MDGA2: variants seen among roughly 807,000 people sequenced by gnomAD.
MDGA2 encodes MAM domain-containing glycosylphosphatidylinositol anchor protein 2.
A neutral mutation model predicts 117.8 loss-of-function variants in MDGA2; 40 were observed. That is an observed-to-expected ratio of 0.34 (90% CI 0.26 to 0.44). MDGA2 has a LOEUF of 0.44. MDGA2 is among the 20% of genes least tolerant of loss of function. The pLI, the probability that MDGA2 is intolerant of heterozygous loss-of-function variation, is 1.00. For missense variants in MDGA2, 1,123 were observed against 1,250.6 expected (o/e 0.90, Z 1.54); for synonymous variants, 452 against 439.0 (o/e 1.03, Z -0.37).
At chr14:47,627,488 G>A (rs1455921415) in intron 1 of MDGA2, among the ~76,000 whole-genome samples, 1 of 152,180 alleles carries the variant, frequency 6.6e-6, no homozygotes, top group African/African-American at 2.4e-5. Context: ...GTCTAGCTCA[G>A]GGTTTGTAAA....
At chr14:47,339,858 T>C (rs1890568093) in intron 1 of MDGA2, among the ~76,000 whole-genome samples, 1 of 152,202 alleles carries the variant, frequency 6.6e-6, no homozygotes, top group Non-Finnish European at 1.5e-5. Context: ...TGTGGCTAAC[T>C]TACATTTACA....
chr14:46,938,540 C>CAAAA (rs71112472), intron 9 of MDGA2, among the ~76,000 whole-genome samples: 13 of 27,002 alleles, frequency 4.8e-4, no homozygotes, highest in South Asian at 2.2e-3. Flanking sequence ...AAATCCATCT[C>CAAAA]AAAAAAAAAA....
intron 8 of MDGA2, among the ~76,000 whole-genome samples, chr14:47,017,299 G>C (rs1432975568): frequency 8.9e-6 from 1 of 112,942 alleles, no homozygotes; most frequent in Non-Finnish European, 1.9e-5. Context: ...GGCCCACATT[G>C]AAAAAAAAAA....
At chr14:47,016,046 T>C (rs1888071293) in intron 8 of MDGA2, among the ~76,000 whole-genome samples, 1 of 152,094 alleles carries the variant, frequency 6.6e-6, no homozygotes, top group Non-Finnish European at 1.5e-5. Flanking sequence ...ATAACTATGT[T>C]ATTAGAATAC....
chr14:47,080,894 T>C (rs2138889042), intron 6 of MDGA2, among the ~76,000 whole-genome samples: 1 of 152,302 alleles, frequency 6.6e-6, no homozygotes, highest in African/African-American at 2.4e-5. Flanking sequence ...TCTGTTATAT[T>C]AAAAACCATT....
intron 1 of MDGA2, among the ~76,000 whole-genome samples, chr14:47,371,514 T>G (rs1190877231): frequency 6.6e-6 from 1 of 151,812 alleles, no homozygotes; most frequent in Non-Finnish European, 1.5e-5. Flanking sequence ...TTTTATATTC[T>G]GAATAAGAGT....
At chr14:47,409,376 T>C (rs1011608269) in intron 1 of MDGA2, among the ~76,000 whole-genome samples, 22 of 152,320 alleles carry the variant, frequency 1.4e-4, no homozygotes, top group Admixed American at 1.4e-3. Context: ...CGGAGATTCT[T>C]TTCCTAGGTA....
chr14:47,145,833 A>T (rs1259564307), intron 3 of MDGA2, among the ~76,000 whole-genome samples: 2 of 152,142 alleles, frequency 1.3e-5, no homozygotes, highest in Admixed American at 1.3e-4. Flanking sequence ...ATTATTAATA[A>T]TATTACTATC....
intron 8 of MDGA2, among the ~76,000 whole-genome samples, chr14:47,012,209 T>C (rs1887919011): frequency 6.6e-6 from 1 of 152,152 alleles, no homozygotes; most frequent in African/African-American, 2.4e-5. Flanking sequence ...ATCTCTTCTC[T>C]ATAAACTGAA....
chr14:47,108,743 T>C (rs981718566), intron 5 of MDGA2, among the ~76,000 whole-genome samples: 6 of 152,098 alleles, frequency 3.9e-5, no homozygotes, highest in Non-Finnish European at 7.3e-5. Context: ...TGTTTGGTGC[T>C]CTCTTCACAC....
At chr14:47,440,133 G>T (rs1385846583) in intron 1 of MDGA2, among the ~76,000 whole-genome samples, 1 of 151,976 alleles carries the variant, frequency 6.6e-6, no homozygotes, top group African/African-American at 2.4e-5. Flanking sequence ...CCCATCACAT[G>T]TGTCGGCTCC....
At chr14:47,539,659 C>T (rs949317890) in intron 1 of MDGA2, among the ~76,000 whole-genome samples, 3 of 152,194 alleles carry the variant, frequency 2.0e-5, no homozygotes, top group Non-Finnish European at 4.4e-5. Context: ...ACAGTTTACC[C>T]TTACTTGTAT....
intron 14 of MDGA2, among the ~76,000 whole-genome samples, chr14:46,858,120 T>C (rs1359950334): frequency 2.0e-5 from 3 of 151,234 alleles, no homozygotes; most frequent in Non-Finnish European, 2.9e-5. Flanking sequence ...TGGCTCTGTT[T>C]ATTTTTCTTC....
At chr14:47,361,894 A>C (rs753631259) in intron 1 of MDGA2, among the ~76,000 whole-genome samples, 22 of 152,078 alleles carry the variant, frequency 1.4e-4, no homozygotes, top group Non-Finnish European at 2.5e-4. Flanking sequence ...AATTCGAAGC[A>C]CTCTTCTTCA....
intron 7 of MDGA2, chr14:47,059,355 A>G (rs574285806): frequency 9.6e-6 from 12 of 1,255,990 alleles, no homozygotes; most frequent in Admixed American, 2.3e-5. Flanking sequence ...AAGTCAATAT[A>G]TTTCTTTTAT....
At chr14:47,466,438 T>G (rs907871558) in intron 1 of MDGA2, among the ~76,000 whole-genome samples, 1 of 152,018 alleles carries the variant, frequency 6.6e-6, no homozygotes, top group African/African-American at 2.4e-5. Flanking sequence ...TGGAGAGAGA[T>G]AAAATAGAGA....
chr14:47,462,152 T>C (rs1036783179), intron 1 of MDGA2, among the ~76,000 whole-genome samples: 1 of 151,720 alleles, frequency 6.6e-6, no homozygotes, highest in Admixed American at 6.6e-5. Context: ...CCGAGGCGGG[T>C]GGATCACGAG....
Position 46,882,163 on chromosome 14 carries a change from C to T in MDGA2, c.2297G>A (p.Gly766Glu). 6.2e-7 allele frequency: 1 copy of T among 1,612,566 alleles called. No homozygotes were observed. The highest frequency in any genetic ancestry group is 1.1e-5 in the South Asian group (1 of 90,984). The change falls in exon 11 of 17, where the codon GGA becomes GAA. Residue 766 changes from glycine to glutamate, a missense_variant. By Grantham distance (98) the Gly-to-Glu change is moderately conservative. Around this residue, in one of 2 missense-constraint regions of MDGA2, gnomAD observed 890 missense variants for 1,050.3 expected, o/e 0.85. Coordinates refer to ENST00000399232, the MANE Select transcript of MDGA2 (RefSeq NM_001113498.3). ...EIKINGNIQKGELITYNLTEL... is the reference protein window; with the variant it reads ...EIKINGNIQKEELITYNLTEL... ...TGTCAAGTTATATGTAATTAATTCT[C>T]CCTTTTGAATATTCCCATTTATTTT...
intron 10 of MDGA2, among the ~76,000 whole-genome samples, chr14:46,898,719 T>G (rs1245200810): frequency 6.6e-6 from 1 of 152,022 alleles, no homozygotes; most frequent in Non-Finnish European, 1.5e-5. Flanking sequence ...AATAAGAGAT[T>G]TATTTACTTC....
Sources: allele counts gnomAD v4.1 joint callset (sites outside exome capture counted in the v4.1 genomes callset), GRCh38; gene constraint gnomAD v4.1.1; regional missense constraint gnomAD v4.1.1; transcripts MANE v1.5; gene names NCBI Gene and HGNC (gene_info 2026-07-23, HGNC 2026-07-21).